The following TBC1D4 variants were observed in gnomAD, a reference collection of about 807,000 sequenced individuals.
TBC1D4 encodes the protein TBC (Tre-2, BUB2, CDC16) domain-containing protein.
A neutral mutation model predicts 142.5 loss-of-function variants in TBC1D4; 121 were observed. The observed-to-expected ratio is 0.85, with a 90% confidence interval of 0.73 to 0.99. TBC1D4 has a LOEUF of 0.99. Among genes scored for constraint, TBC1D4 ranks in the 50% least tolerant of loss-of-function variants. The probability of loss-of-function intolerance (pLI) is 0.00; values close to 1 mark genes in which losing one functional copy is unlikely to be tolerated. For missense variants in TBC1D4, 1,475 were observed against 1,606.6 expected, an observed-to-expected ratio of 0.92 and a Z score of 1.40; for synonymous variants, 630 against 628.2, an observed-to-expected ratio of 1.00 and a Z score of -0.04.
At chr13:75,455,999 CTT>C (rs946468661) in intron 1 of TBC1D4, among the ~76,000 whole-genome samples, 1 of 146,336 alleles carries the variant, frequency 6.8e-6, no homozygotes. Context: ...CTCATATAGG[CTT>C]TTTTTTTTTC....
At chr13:75,394,844 AG>A (rs1377464979) in intron 1 of TBC1D4, among the ~76,000 whole-genome samples, 1 of 151,846 alleles carries the variant, frequency 6.6e-6, no homozygotes, top group East Asian at 1.9e-4. Flanking sequence ...GGGAAACAAC[AG>A]GAACAGACTG....
At chr13:75,324,066 C>A (rs1023317117) in intron 11 of TBC1D4, among the ~76,000 whole-genome samples, 171 bp downstream of exon 11, 4 of 152,180 alleles carry the variant, frequency 2.6e-5, no homozygotes, top group African/African-American at 7.2e-5. Context: ...TGAAAAAGTT[C>A]TCTTAATAAA....
Position 75,341,159 on chromosome 13 carries a change from T to C in TBC1D4, c.1577A>G (p.Gln526Arg). 6 of 1,613,554 alleles carry C rather than the reference T, an allele frequency of 3.7e-6. No homozygotes were observed. The highest frequency in any genetic ancestry group is 4.2e-6 in the Non-Finnish European group (5 of 1,179,904). The part of the protein sequence containing the change: ...LHLRQLCEAK[Q>R]KTHVHIGEGP... ...TTCCCCGATGTGCACGTGTGTCTTC[T>C]GCTTGGCTTCACACAGCTGCCTCAG... Residue 526 changes from glutamine (Q) to arginine (R), a missense_variant, in exon 7 of 21, where the codon CAG becomes CGG. Physicochemically the swap from Gln to Arg is conservative, Grantham distance 43 (BLOSUM62 1). Around this residue, in one of 2 missense-constraint regions of TBC1D4, gnomAD observed 1,227 missense variants for 1,267.7 expected, o/e 0.97. Coordinates refer to ENST00000377636, the MANE Select transcript of TBC1D4 (RefSeq NM_014832.5).
chr13:75,471,465 G>A (rs966747962), intron 1 of TBC1D4, among the ~76,000 whole-genome samples: 2 of 152,104 alleles, frequency 1.3e-5, no homozygotes, highest in Non-Finnish European at 1.5e-5. Context: ...AAGCCAGGCC[G>A]GGTGGCTCAA....
intron 1 of TBC1D4, among the ~76,000 whole-genome samples, chr13:75,474,521 T>C (rs1026453288): frequency 6.6e-5 from 10 of 151,980 alleles, no homozygotes; most frequent in African/African-American, 2.4e-4. Context: ...ATTGCGCCAC[T>C]GCACTCCAGC....
intron 2 of TBC1D4, among the ~76,000 whole-genome samples, chr13:75,361,237 G>A (rs971638012): frequency 1.3e-5 from 2 of 152,124 alleles, no homozygotes; most frequent in Non-Finnish European, 2.9e-5. Context: ...GTCTTTTGGT[G>A]TGACAGCATA....
chr13:75,389,619 TAAATA>T (rs148180948), intron 1 of TBC1D4, among the ~76,000 whole-genome samples: 1,890 of 134,776 alleles, frequency 0.014, 49 homozygotes, highest in African/African-American at 0.043. Context: ...ACTGGTTAAA[TAAATA>T]AAATAGAAGA....
At chr13:75,287,129 AT>A in intron 20 of TBC1D4, 104 bp from the exon 21 acceptor site, 1 of 973,778 alleles carries the variant, frequency 1.0e-6, no homozygotes, top group Non-Finnish European at 1.6e-6. Context: ...ATAAAATATT[AT>A]GTGAAGCAAA....
At chr13:75,403,257 G>A (rs774520983) in intron 1 of TBC1D4, among the ~76,000 whole-genome samples, 1 of 152,358 alleles carries the variant, frequency 6.6e-6, no homozygotes, top group South Asian at 2.1e-4. Context: ...GGGGAAAAGT[G>A]TGTGGGGTTT....
intron 1 of TBC1D4, among the ~76,000 whole-genome samples, chr13:75,418,011 A>G (rs1885995165): frequency 6.6e-6 from 1 of 152,260 alleles, no homozygotes; most frequent in African/African-American, 2.4e-5. Context: ...TGTGAAATAT[A>G]ATAAACTATC....
At chr13:75,481,215 C>CACA in intron 1 of TBC1D4, 55 bp downstream of exon 1, 1 of 1,244,428 alleles carries the variant, frequency 8.0e-7, no homozygotes, top group East Asian at 2.8e-5. Flanking sequence ...TCCCGCCCTG[C>CACA]TCCCCGATCC....
intron 17 of TBC1D4, 118 bp downstream of exon 17, chr13:75,299,212 C>T: frequency 6.5e-7 from 1 of 1,545,856 alleles, no homozygotes; most frequent in Non-Finnish European, 8.7e-7. Context: ...CCAATCTTTA[C>T]CCAAGTTCTA....
intron 1 of TBC1D4, among the ~76,000 whole-genome samples, chr13:75,435,551 G>A (rs1244818079): frequency 1.3e-5 from 2 of 152,058 alleles, no homozygotes; most frequent in East Asian, 1.9e-4. Flanking sequence ...AGGACATCAC[G>A]TTGTTTCTAG....
intron 1 of TBC1D4, among the ~76,000 whole-genome samples, chr13:75,368,354 G>GT (rs1356730774): frequency 9.2e-5 from 14 of 152,314 alleles, no homozygotes; most frequent in Admixed American, 7.8e-4. Flanking sequence ...GAAAGCAAGA[G>GT]TATCTCTGTG....
rs1358177403 is a variant in TBC1D4 at position 75,306,485 on chromosome 13, C to T, written c.2594-14G>A. The T allele has an allele frequency of 6.2e-7, 1 of 1,612,022 alleles. No homozygotes were observed. Among genetic ancestry groups the T allele is most frequent in the Non-Finnish European group, 8.5e-7 (1 of 1,179,454 alleles). On this transcript the variant is annotated splice_polypyrimidine_tract_variant and intron_variant, in intron 14 of 20. Coordinates refer to ENST00000377636, the MANE Select transcript of TBC1D4 (RefSeq NM_014832.5). ...CATCTCTGCTTGCTAAGGAAAAAAA[C>T]AATTTACGTAAGACCAATGTGTTTT... is the stretch of plus-strand genomic sequence containing the variant.
At chr13:75,291,088 A>G (rs1211559149) in intron 19 of TBC1D4, among the ~76,000 whole-genome samples, 2 of 152,192 alleles carry the variant, frequency 1.3e-5, no homozygotes, top group Non-Finnish European at 2.9e-5. Flanking sequence ...AGAGTCAAGG[A>G]CTACACATAC....
intron 1 of TBC1D4, among the ~76,000 whole-genome samples, chr13:75,380,505 T>C (rs1217424688): frequency 1.3e-5 from 2 of 151,260 alleles, no homozygotes; most frequent in African/African-American, 4.8e-5. Context: ...TTTAAATCTG[T>C]CTGTCTCTAG....
At chr13:75,301,890 A>C (rs1186805396) in intron 16 of TBC1D4, among the ~76,000 whole-genome samples, 2 of 152,200 alleles carry the variant, frequency 1.3e-5, no homozygotes, top group Non-Finnish European at 2.9e-5. Flanking sequence ...ATTCTAAGCT[A>C]TTTCAAAACC....
intron 2 of TBC1D4, among the ~76,000 whole-genome samples, chr13:75,360,494 C>T (rs181623158): frequency 2.2e-3 from 292 of 132,626 alleles, no homozygotes; most frequent in African/African-American, 6.8e-3. Context: ...TGTGATCACA[C>T]TGCTGCACTC....
Sources: gnomAD v4.1 joint callset for allele counts (sites outside exome capture counted in the v4.1 genomes callset) on GRCh38, gnomAD v4.1.1 for gene constraint, gnomAD v4.1.1 regional missense constraint, MANE v1.5 for transcripts, NCBI Gene and HGNC (gene_info 2026-07-23, HGNC 2026-07-21) for gene names.